The following GNAO1 variants were observed in gnomAD, a reference collection of about 807,000 sequenced individuals.
GNAO1 encodes the protein guanine nucleotide-binding protein G(o) subunit alpha.
For synonymous variants in GNAO1, 164 were observed against 180.7 expected, an observed-to-expected ratio of 0.91 and a Z score of 0.74; for missense variants, 166 against 478.7, an observed-to-expected ratio of 0.35 and a Z score of 6.10.
intron 3 of GNAO1, among the ~76,000 whole-genome samples, chr16:56,309,460 G>GCC (rs1166471162): frequency 6.6e-6 from 1 of 152,152 alleles, no homozygotes; most frequent in Non-Finnish European, 1.5e-5. Context: ...TCCTTGGGGA[G>GCC]CCCACCAGTG....
chr16:56,235,962 G>T (rs148795637), intron 2 of GNAO1, among the ~76,000 whole-genome samples: 1 of 152,264 alleles, frequency 6.6e-6, no homozygotes, highest in African/African-American at 2.4e-5. Flanking sequence ...TTTCACAAAG[G>T]GGGATCAAGG....
chr16:56,303,854 T>C (rs984041622), intron 3 of GNAO1, among the ~76,000 whole-genome samples: 4 of 152,148 alleles, frequency 2.6e-5, no homozygotes, highest in Admixed American at 6.6e-5. Flanking sequence ...AGCCCTCAAG[T>C]TGAAGCCAGT....
chr16:56,351,840 C>T lies in GNAO1; in HGVS notation c.877+303C>T. Reference sequence around the variant, plus strand: ...CAGGCTTCCCCCTTCCTCCTGGTCACCCTCTAGAAGAGGTCTCAGGACAGC... The same window carrying T: ...CAGGCTTCCCCCTTCCTCCTGGTCATCCTCTAGAAGAGGTCTCAGGACAGC... On this transcript the variant is annotated intron_variant, in intron 7 of 8. Transcript: ENST00000262493. The surrounding 1 kb of genome is among the most constrained non-coding windows in gnomAD (Gnocchi z 6.1). The T allele has an allele frequency of 2.9e-6, 1 of 348,450 alleles. No homozygotes were observed. The highest frequency in any genetic ancestry group is 3.8e-5 in the South Asian group (1 of 26,032). The allele number at this position is 348,450 out of a possible 1,614,324, so 21.6% of individuals were successfully genotyped here.
intron 7 of GNAO1, chr16:56,352,821 C>T (rs1435606962): frequency 6.6e-6 from 1 of 152,326 alleles, no homozygotes; most frequent in African/African-American, 2.4e-5. Flanking sequence ...GAACTGTGCC[C>T]TGCACTCGAG....
chr16:56,221,598 C>T (rs946950018), intron 2 of GNAO1, among the ~76,000 whole-genome samples: 15 of 145,948 alleles, frequency 1.0e-4, no homozygotes, highest in Non-Finnish European at 1.6e-4. Flanking sequence ...TGCAGTGAGC[C>T]GAGATCGCGC....
rs756220426 is a variant in GNAO1, at chr16:56,343,999, C to G, written c.723+7139C>G. On this transcript the variant is annotated intron_variant, in intron 6 of 8. Transcript: ENST00000262493. ...CTTGCCCTGCCTGGCCTGCCGCCCCCCCTCCCCTGGAACCAGGCTCCACCA... is the reference window on the plus strand; with the variant it reads ...CTTGCCCTGCCTGGCCTGCCGCCCCGCCTCCCCTGGAACCAGGCTCCACCA... 56 of 1,598,716 alleles carry G rather than the reference C, an allele frequency of 3.5e-5. No homozygotes were observed. In the African/African-American group the frequency reaches 5.9e-4, roughly 17 times the overall value.
intron 3 of GNAO1, among the ~76,000 whole-genome samples, chr16:56,318,599 C>T (rs760093010): frequency 6.6e-6 from 1 of 152,158 alleles, no homozygotes; most frequent in Admixed American, 6.5e-5. Flanking sequence ...TGTGCGTGCG[C>T]GTGCATGTCT....
intron 2 of GNAO1, among the ~76,000 whole-genome samples, chr16:56,205,217 G>A (rs1187753702): frequency 6.6e-6 from 1 of 152,158 alleles, no homozygotes; most frequent in Non-Finnish European, 1.5e-5. Flanking sequence ...ATGGTTTGAC[G>A]CTGTTCCACA....
At chr16:56,263,280 G>A (rs539362393) in intron 2 of GNAO1, among the ~76,000 whole-genome samples, 2 of 152,306 alleles carry the variant, frequency 1.3e-5, no homozygotes, top group African/African-American at 4.8e-5. Context: ...TATATGTGGA[G>A]CCCTCATTTT....
chr16:56,275,916 G>T lies in GNAO1; in HGVS notation c.162-15G>T. 1.2e-6 allele frequency: 2 copies of T among 1,609,498 alleles called. No homozygotes were observed. The highest frequency in any genetic ancestry group is 1.7e-6 in the Non-Finnish European group (2 of 1,177,372). ...AATGCTCTCATCAGGTGTGGTGTGTGTGGTTTTTCTCTAGGATCATCCATG... is the reference window on the plus strand; with the variant it reads ...AATGCTCTCATCAGGTGTGGTGTGTTTGGTTTTTCTCTAGGATCATCCATG... On this transcript the variant is annotated splice_polypyrimidine_tract_variant and intron_variant, in intron 2 of 8. Transcript: ENST00000262493.
chr16:56,197,055 T>C (rs2036239813), intron 2 of GNAO1, among the ~76,000 whole-genome samples: 1 of 152,214 alleles, frequency 6.6e-6, no homozygotes, highest in African/African-American at 2.4e-5. Flanking sequence ...CACTTGATCT[T>C]AGCCAAAAGG....
rs556919102 is a variant in GNAO1 at position 56,300,086 on chromosome 16, C to T, written c.303+24014C>T. ...GTGCTTGTGAGTGTGTCTGTGTCCA[C>T]GTGTAGCTGGATGTGTAGTTCCTGT... On this transcript the variant is annotated intron_variant, in intron 3 of 8. Transcript: ENST00000262493. Among the ~76,000 whole-genome samples, 7 of 149,974 alleles carry T rather than the reference C, an allele frequency of 4.7e-5. No homozygotes were observed. The South Asian group carries it at 1.1e-3, about 23-fold the overall frequency.
intron 2 of GNAO1, among the ~76,000 whole-genome samples, chr16:56,208,460 CACGT>C (rs145909420): frequency 0.11 from 16,539 of 147,938 alleles, 1,112 homozygotes; most frequent in African/African-American, 0.19. Context: ...CGCGCGCGCG[CACGT>C]GTGTGTGTGT....
chr16:56,343,819 A>G, intron 6 of GNAO1: 1 of 1,584,916 alleles, frequency 6.3e-7, no homozygotes. Flanking sequence ...CGAGAGCAAG[A>G]ACAAGTCAGC....
rs138450110 is a variant in GNAO1 at position 56,285,215 on chromosome 16, T to C, written c.303+9143T>C. ...ACTGCAAGCGGTGATGCCTTGCGCT[T>C]GTGTGCTCTCTTTCTGTCTTTCACA... On this transcript the variant is annotated intron_variant, in intron 3 of 8. Transcript: ENST00000262493. Among the ~76,000 whole-genome samples the C allele has an allele frequency of 1.4e-3, 209 of 152,352 alleles. 2 individuals are homozygous for C. The highest frequency in any genetic ancestry group is 6.8e-3 in the Middle Eastern group (2 of 294).
intron 3 of GNAO1, among the ~76,000 whole-genome samples, chr16:56,277,665 G>C (rs1381124016): frequency 1.3e-5 from 2 of 151,918 alleles, no homozygotes; most frequent in Admixed American, 1.3e-4. Context: ...TCATCTTCAG[G>C]CATGGCACAA....
chr16:56,222,008 C>G (rs1193130360), intron 2 of GNAO1, among the ~76,000 whole-genome samples: 2 of 152,116 alleles, frequency 1.3e-5, no homozygotes, highest in East Asian at 3.9e-4. Context: ...TTGAGGGAAA[C>G]TTAGGAAAAG....
chr16:56,342,272 A>C (rs1244860343), intron 6 of GNAO1, among the ~76,000 whole-genome samples: 1 of 152,172 alleles, frequency 6.6e-6, no homozygotes, highest in African/African-American at 2.4e-5. Context: ...CTGCAGTCCT[A>C]GGACACTCCC....
chr16:56,226,134 G>C (rs2036531172), intron 2 of GNAO1, among the ~76,000 whole-genome samples: 1 of 152,102 alleles, frequency 6.6e-6, no homozygotes, highest in Admixed American at 6.5e-5. Flanking sequence ...ACGGGCTGTG[G>C]AGGGGCAAGA....
Sources: allele counts gnomAD v4.1 joint callset (sites outside exome capture counted in the v4.1 genomes callset), GRCh38; gene constraint gnomAD v4.1.1; non-coding constraint Gnocchi (gnomAD v3.1); transcripts MANE v1.5; gene names NCBI Gene and HGNC (gene_info 2026-07-23, HGNC 2026-07-21).